Variants in KCNN2 observed in about 807,000 individuals in gnomAD.
The protein encoded by KCNN2 is small conductance calcium-activated potassium channel protein 2.
A neutral mutation model predicts 55.5 loss-of-function variants in KCNN2; 24 were observed. That is an observed-to-expected ratio of 0.43 (90% CI 0.31 to 0.61). The LOEUF (loss-of-function observed/expected upper bound fraction) is 0.61. KCNN2 is among the 20% of genes least tolerant of loss of function. The pLI is 0.08. For synonymous variants in KCNN2, 431 were observed against 336.1 expected (o/e 1.28, Z -3.09); for missense variants, 754 against 853.6 (o/e 0.88, Z 1.45).
intron 2 of KCNN2, among the ~76,000 whole-genome samples, chr5:114,356,420 G>T (rs1478680475): frequency 6.6e-6 from 1 of 152,140 alleles, no homozygotes; most frequent in African/African-American, 2.4e-5. Context: ...ATGAAATCCA[G>T]ATTATTTTAA....
intron 3 of KCNN2, among the ~76,000 whole-genome samples, chr5:114,455,587 A>G (rs181028446): frequency 2.6e-5 from 4 of 152,312 alleles, no homozygotes; most frequent in Admixed American, 6.5e-5. Context: ...CTCACTTTCA[A>G]TCAAAAACTA....
At chr5:114,357,590 A>G (rs1757319760), upstream of KCNN2, among the ~76,000 whole-genome samples, 1 of 126,150 alleles carries the variant, frequency 7.9e-6, no homozygotes, top group Non-Finnish European at 1.7e-5. Flanking sequence ...GAGAATGATG[A>G]TTTCCAATTT....
intron 2 of KCNN2, among the ~76,000 whole-genome samples, chr5:114,377,905 T>C (rs1757991357): frequency 1.3e-5 from 2 of 152,186 alleles, no homozygotes; most frequent in African/African-American, 2.4e-5. Flanking sequence ...TCTATTATTA[T>C]TATTCTGTCA....
chr5:114,489,672 T>C (rs1580926763), intron 6 of KCNN2, among the ~76,000 whole-genome samples: 1 of 152,300 alleles, frequency 6.6e-6, no homozygotes, highest in Non-Finnish European at 1.5e-5. Flanking sequence ...TTTGTTTGGC[T>C]AGATCATTCT....
intron 1 of KCNN2, among the ~76,000 whole-genome samples, chr5:114,188,899 T>C (rs1753391671): frequency 6.6e-6 from 1 of 152,210 alleles, no homozygotes; most frequent in Non-Finnish European, 1.5e-5. Flanking sequence ...ACTCAGTGCA[T>C]TTCTGATTCA....
chr5:114,461,820 G>T (rs1580871509), intron 3 of KCNN2, among the ~76,000 whole-genome samples: 1 of 152,182 alleles, frequency 6.6e-6, no homozygotes, highest in East Asian at 1.9e-4. Flanking sequence ...CAGCCTCCTT[G>T]CCACCACAGC....
intron 3 of KCNN2, among the ~76,000 whole-genome samples, chr5:114,426,688 G>A (rs1759635226): frequency 6.6e-6 from 1 of 152,126 alleles, no homozygotes; most frequent in Non-Finnish European, 1.5e-5. Flanking sequence ...TTAAACTGTA[G>A]TCATTTTTAC....
At chr5:114,099,957 G>A (rs1239386766) in intron 1 of KCNN2, among the ~76,000 whole-genome samples, 1 of 151,750 alleles carries the variant, frequency 6.6e-6, no homozygotes, top group African/African-American at 2.4e-5. Flanking sequence ...AACTCCATAG[G>A]ATATGAGATG....
chr5:114,134,444 T>C (rs933386423), intron 1 of KCNN2, among the ~76,000 whole-genome samples: 2 of 148,838 alleles, frequency 1.3e-5, no homozygotes, highest in African/African-American at 5.0e-5. Flanking sequence ...ACTTTAACTT[T>C]GCAATCCAAC....
intron 3 of KCNN2, among the ~76,000 whole-genome samples, chr5:114,437,082 C>G (rs1330346974): frequency 6.6e-6 from 1 of 151,572 alleles, no homozygotes; most frequent in Admixed American, 6.6e-5. Context: ...TGCATGCATG[C>G]ATGTGTTGCA....
chr5:114,266,102 C>T (rs1755203723), intron 2 of KCNN2, among the ~76,000 whole-genome samples: 3 of 151,788 alleles, frequency 2.0e-5, no homozygotes, highest in Non-Finnish European at 4.4e-5. Context: ...TTTATTTAAC[C>T]TAGTATGCCA....
intron 2 of KCNN2, among the ~76,000 whole-genome samples, chr5:114,305,280 AG>A (rs1377690649): frequency 6.6e-6 from 1 of 152,222 alleles, no homozygotes; most frequent in Non-Finnish European, 1.5e-5. Context: ...TGGTTTGCCT[AG>A]GCCAGAGATG....
chr5:114,158,941 A>C (rs375045501), intron 1 of KCNN2, among the ~76,000 whole-genome samples: 1 of 152,160 alleles, frequency 6.6e-6, no homozygotes, highest in African/African-American at 2.4e-5. Context: ...CAATCATGTC[A>C]TCTGCAAACA....
intron 1 of KCNN2, among the ~76,000 whole-genome samples, chr5:114,153,396 C>T (rs1561498238): frequency 6.6e-6 from 1 of 152,104 alleles, no homozygotes; most frequent in Non-Finnish European, 1.5e-5. Context: ...AATAGGGACC[C>T]CTGTCAAGAA....
rs141014156 is a variant in KCNN2, at chr5:114,190,867, G to A, written c.-270-30613G>A. ...CTTGTAGTGATTTTTATTAGATATT[G>A]ATTGGGGAACGGTTATAGGTTAAGA... is the stretch of plus-strand genomic sequence containing the variant. On this transcript the variant is annotated intron_variant, in intron 1 of 10. Transcript: ENST00000512097. 9.9e-3 allele frequency among the ~76,000 whole-genome samples: 1,505 copies of A among 152,224 alleles called. 17 individuals are homozygous for A. Among genetic ancestry groups the A allele is most frequent in the Middle Eastern group, 0.034 (10 of 294 alleles).
intron 1 of KCNN2, among the ~76,000 whole-genome samples, chr5:114,072,291 TA>T (rs111788636): frequency 2.6e-3 from 362 of 141,778 alleles, no homozygotes; most frequent in Non-Finnish European, 3.2e-3. Context: ...AAACTCCATC[TA>T]AAAAAAAAAA....
At chr5:114,276,160 G>A (rs909366211) in intron 2 of KCNN2, among the ~76,000 whole-genome samples, 5 of 152,190 alleles carry the variant, frequency 3.3e-5, no homozygotes, top group Non-Finnish European at 5.9e-5. Context: ...TCTTAATTCT[G>A]AGTTCTAGTT....
rs1197844531 is a variant in KCNN2, at chr5:114,496,084, G to C, written c.2278G>C (p.Asp760His). Residue 760 changes from aspartate (D) to histidine (H), a missense_variant, in exon 8 of 8, where the codon GAC becomes CAC. Asp to His is a moderately conservative substitution (Grantham distance 81). Transcript: ENST00000673685. ...DFIEAQMESY[D>H]KHVTYNAERS... Reference sequence around the variant, plus strand: ...CATTGAGGCTCAGATGGAGAGCTACGACAAGCACGTCACTTACAATGCTGA... The same window carrying C: ...CATTGAGGCTCAGATGGAGAGCTACCACAAGCACGTCACTTACAATGCTGA... 2 of 1,614,040 alleles carry C rather than the reference G, an allele frequency of 1.2e-6. No homozygotes were observed. Among genetic ancestry groups the C allele is most frequent in the Non-Finnish European group, 1.7e-6 (2 of 1,179,970 alleles).
At chr5:114,114,406 T>C (rs10077996) in intron 1 of KCNN2, among the ~76,000 whole-genome samples, 2,657 of 152,202 alleles carry the variant, frequency 0.017, 90 homozygotes, top group African/African-American at 0.06. Context: ...TTTTTAAATT[T>C]ATTTTTATTT....
Sources: gnomAD v4.1 joint callset for allele counts (sites outside exome capture counted in the v4.1 genomes callset) on GRCh38, gnomAD v4.1.1 for gene constraint, MANE v1.5 for transcripts, NCBI Gene and HGNC (gene_info 2026-07-23, HGNC 2026-07-21) for gene names.